The following ACAD9 variants were observed in gnomAD, a reference collection of about 807,000 sequenced individuals.
The protein encoded by ACAD9 is complex I assembly factor ACAD9, mitochondrial.
Under a neutral mutation model 70.2 loss-of-function variants are expected in ACAD9, and 53 were observed. That is an observed-to-expected ratio of 0.75 (90% confidence interval 0.61 to 0.95). ACAD9 has a LOEUF of 0.95. ACAD9 is among the 40% of genes least tolerant of loss of function. The probability of loss-of-function intolerance (pLI) is 0.00; values close to 1 mark genes in which losing one functional copy is unlikely to be tolerated. For missense variants in ACAD9, 777 were observed against 802.8 expected, an observed-to-expected ratio of 0.97 and a Z score of 0.39; for synonymous variants, 313 against 312.1, an observed-to-expected ratio of 1.00 and a Z score of -0.03.
intron 8 of ACAD9, among the ~76,000 whole-genome samples, chr3:128,901,719 TTTTA>T (rs1358043429): frequency 6.6e-6 from 1 of 152,212 alleles, no homozygotes; most frequent in African/African-American, 2.4e-5. Context: ...TAAGACTTAT[TTTTA>T]TCAAGAGATG....
At chr3:128,899,567 G>GTGTGTGTGT in intron 7 of ACAD9, 106 bp downstream of exon 7, 2 of 986,122 alleles carry the variant, frequency 2.0e-6, no homozygotes, top group Admixed American at 2.9e-5. Context: ...TGTGTGTAAG[G>GTGTGTGTGT]GGGAGACTGG....
chr3:128,904,863 G>T, intron 11 of ACAD9, among the ~76,000 whole-genome samples: 1 of 152,168 alleles, frequency 6.6e-6, no homozygotes, highest in East Asian at 1.9e-4. Flanking sequence ...CTAAGCATAT[G>T]GCAGGGCGCG....
At position 128,901,313 on chromosome 3, in the gene ACAD9, G is replaced by A. The variant is rs1003976196; in HGVS notation, c.846G>A (p.Val282=). 2 of 1,614,144 alleles carry A rather than the reference G, an allele frequency of 1.2e-6. No individual in the cohort carries two copies. The highest frequency in any genetic ancestry group is 8.5e-7 in the Non-Finnish European group (1 of 1,180,006). ...EVHFENTKIP[V]ENILGEVGDG... ...ATTTTGAAAACACCAAGATACCTGT[G>A]GAAAACATCCTTGGAGAGGTCGGAG... The change falls in exon 8 of 18, where the codon GTG becomes GTA. Residue 282 remains valine, a synonymous_variant. Coordinates refer to ENST00000308982, the MANE Select transcript of ACAD9 (RefSeq NM_014049.5).
In ACAD9 at chr3:128,894,576, C is replaced by T. The variant is rs1427878930; in HGVS notation, c.347-734C>T. Among the ~76,000 whole-genome samples, 5 of 147,420 alleles carry T rather than the reference C, an allele frequency of 3.4e-5. No homozygotes were observed. In the Admixed American group the frequency reaches 3.4e-4, roughly 10 times the overall value. On this transcript the variant is annotated intron_variant, in intron 3 of 17. Coordinates refer to ENST00000308982, the MANE Select transcript of ACAD9 (RefSeq NM_014049.5). ...TTGAGACAGGGTCTCACTCTGTCAT[C>T]CAGGCTGGAGTGCAGTGGTGTGGTC...
intron 2 of ACAD9, among the ~76,000 whole-genome samples, chr3:128,891,357 A>G (rs1443432863): frequency 1.3e-5 from 2 of 152,022 alleles, no homozygotes; most frequent in African/African-American, 2.4e-5. Context: ...ATGGTGGCTC[A>G]TGCCCGTAAT....
At chr3:128,898,368 A>G in intron 6 of ACAD9, 1 of 441,482 alleles carries the variant, frequency 2.3e-6, no homozygotes. Context: ...TTTAATAAAC[A>G]CAAAGCCGTA....
At position 128,895,469 on chromosome 3, in the gene ACAD9, C is replaced by T. The variant is rs1935545094; in HGVS notation, c.453+53C>T. On this transcript the variant is annotated intron_variant, in intron 4 of 17. Coordinates refer to ENST00000308982, the MANE Select transcript of ACAD9 (RefSeq NM_014049.5). ...GCTCTCTGTAGGTCTTCTGGAGTCA[C>T]ATGGAGGCATAGAGGCCAGAGGCTT... is the stretch of plus-strand genomic sequence containing the variant. 9 of 1,501,466 alleles carry T rather than the reference C, an allele frequency of 6.0e-6. No homozygotes were observed. In the South Asian group the frequency reaches 9.6e-5, roughly 16 times the overall value. 93.0% of individuals were successfully genotyped at this position (1,501,466 alleles called of 1,614,324 possible).
Position 128,902,612 on chromosome 3 carries a change from G to A in ACAD9, c.942G>A (p.Leu314=), listed in dbSNP as rs186489855. 1.2e-6 allele frequency: 2 copies of A among 1,614,166 alleles called. No individual in the cohort carries two copies. Among genetic ancestry groups the A allele is most frequent in the African/African-American group, 2.7e-5 (2 of 75,038 alleles). ...RFSMGSVVAG[L]LKRLIEMTAE... ...GCATGGGCAGCGTCGTGGCTGGGCT[G>A]CTCAAGAGATTGATTGGTAGGTAAG... The change falls in exon 9 of 18, where the codon CTG becomes CTA. Residue 314 remains leucine (L), a synonymous_variant. Coordinates refer to ENST00000308982, the MANE Select transcript of ACAD9 (RefSeq NM_014049.5). The surrounding 1 kb of genome is among the most constrained non-coding windows in gnomAD (Gnocchi z 4.0).
intron 15 of ACAD9, 29 bp downstream of exon 15, chr3:128,909,450 C>T (rs746035066): frequency 5.0e-6 from 8 of 1,609,972 alleles, no homozygotes; most frequent in Non-Finnish European, 5.1e-6. Flanking sequence ...GCCTGGGTCG[C>T]AAGCGGTCCT....
chr3:128,911,667 CCT>C (rs144459383), intron 17 of ACAD9, among the ~76,000 whole-genome samples: 6,287 of 152,298 alleles, frequency 0.041, 170 homozygotes, highest in Non-Finnish European at 0.058. Flanking sequence ...GTCTCCAACC[CCT>C]GACCTCAGGT....
At position 128,904,045 on chromosome 3, in the gene ACAD9, ACT is replaced by A. The variant is rs1300271963; in HGVS notation, c.959-14_959-13del. On this transcript the variant is annotated splice_polypyrimidine_tract_variant and intron_variant, in intron 9 of 17. Transcript: ENST00000308982. ...AGAAATATTCCAGTTCATTCTAATAACTCTGCTCTTCCTCAGAAATGACTGCT... is the reference window on the plus strand; with the variant it reads ...AGAAATATTCCAGTTCATTCTAATAACTGCTCTTCCTCAGAAATGACTGCT... 8 of 1,613,012 alleles carry A rather than the reference ACT, an allele frequency of 5.0e-6. No individual in the cohort carries two copies. The highest frequency in any genetic ancestry group is 6.8e-6 in the Non-Finnish European group (8 of 1,179,130).
In ACAD9 at chr3:128,912,754, T is replaced by C. The variant is rs1936486895; in HGVS notation, c.*147T>C. ...GCACCTGAAGGGTTGTCGCCTGGCC[T>C]GGGAGAGCCTCTTCCAGGTTTTGAC... On this transcript the variant is annotated 3_prime_UTR_variant, in exon 18 of 18. Coordinates refer to ENST00000308982, the MANE Select transcript of ACAD9 (RefSeq NM_014049.5). 3.8e-6 allele frequency: 3 copies of C among 798,136 alleles called. No homozygotes were observed. Among genetic ancestry groups the C allele is most frequent in the Non-Finnish European group, 6.6e-6 (3 of 451,624 alleles). 49.4% of individuals were successfully genotyped at this position (798,136 alleles called of 1,614,324 possible).
chr3:128,893,479 A>G lies in ACAD9; in HGVS notation c.245-76A>G, dbSNP rs1216864001. ...CTCTGGGATTATATATGATTAATAT[A>G]TAAACACTGTCCTGTTTACTTATAT... On this transcript the variant is annotated intron_variant, in intron 2 of 17. Transcript: ENST00000308982. 81 of 1,149,738 alleles carry G rather than the reference A, an allele frequency of 7.0e-5. 1 individual carries two copies. In the East Asian group the frequency reaches 1.9e-3, roughly 27 times the overall value. 71.2% of individuals were successfully genotyped at this position (1,149,738 alleles called of 1,614,324 possible). A position where few individuals can be genotyped will look rare whatever the true frequency, so the allele number is the denominator to read the frequency against.
intron 1 of ACAD9, among the ~76,000 whole-genome samples, chr3:128,880,745 GT>G (rs1935066090): frequency 6.6e-6 from 1 of 152,132 alleles, no homozygotes; most frequent in Non-Finnish European, 1.5e-5. Flanking sequence ...TCACAGATGT[GT>G]TGTAGAGCCC....
intron 11 of ACAD9, among the ~76,000 whole-genome samples, chr3:128,905,823 A>G (rs551031555): frequency 5.9e-5 from 9 of 152,190 alleles, no homozygotes; most frequent in Admixed American, 2.0e-4. Context: ...GCTTGGCAGG[A>G]ACAGGTCAGG....
chr3:128,896,346 A>G (rs1180001751), intron 4 of ACAD9, 90 bp from the exon 5 acceptor site: 4 of 1,354,602 alleles, frequency 3.0e-6, no homozygotes, highest in African/African-American at 1.4e-5. Flanking sequence ...CCCGAAGTAA[A>G]TATTTGCCTC....
At chr3:128,903,631 C>T (rs1003148779) in intron 9 of ACAD9, among the ~76,000 whole-genome samples, 5 of 152,226 alleles carry the variant, frequency 3.3e-5, no homozygotes, top group Non-Finnish European at 7.3e-5. Flanking sequence ...TCAAGCCAGG[C>T]GGCCCCACCT....
rs1228354702 is a variant in ACAD9 at position 128,908,055 on chromosome 3, G to T, written c.1279-130G>T. ...AGCCCTGGCCAGAGCCCTGCTCCCA[G>T]CTACTTCAGGAGCAGTGGCTTTTGT... On this transcript the variant is annotated intron_variant, in intron 12 of 17. Coordinates refer to ENST00000308982, the MANE Select transcript of ACAD9 (RefSeq NM_014049.5). 3.4e-6 allele frequency: 3 copies of T among 873,660 alleles called. No homozygotes were observed. The African/African-American group carries it at 5.0e-5, about 14-fold the overall frequency. 54.1% of individuals were successfully genotyped at this position (873,660 alleles called of 1,614,324 possible). A position where few individuals can be genotyped will look rare whatever the true frequency, so the allele number is the denominator to read the frequency against.
chr3:128,897,328 T>C (rs572196290), intron 5 of ACAD9, among the ~76,000 whole-genome samples: 2 of 152,212 alleles, frequency 1.3e-5, no homozygotes, highest in Admixed American at 6.5e-5. Flanking sequence ...ACTACAGGCA[T>C]GCCCCACCAC....
Sources: gnomAD v4.1 joint callset for allele counts (sites outside exome capture counted in the v4.1 genomes callset) on GRCh38, gnomAD v4.1.1 for gene constraint, Gnocchi (gnomAD v3.1) non-coding constraint, MANE v1.5 for transcripts, NCBI Gene and HGNC (gene_info 2026-07-23, HGNC 2026-07-21) for gene names.